The following CTSF variants were observed in gnomAD, a reference collection of about 807,000 sequenced individuals.
CTSF encodes cathepsin F.
CTSF carries 65 observed loss-of-function variants against 63.5 expected under a neutral mutation model. The ratio of observed to expected loss-of-function variants is 1.02; its 90% CI spans 0.84 to 1.26. The LOEUF (loss-of-function observed/expected upper bound fraction) is 1.26, where lower values mean the gene tolerates loss of function less well. Among genes scored for constraint, CTSF ranks in the 50% most tolerant of loss-of-function variants. The pLI, the probability that CTSF is intolerant of heterozygous loss-of-function variation, is 0.00. For synonymous variants in CTSF, 256 were observed against 258.1 expected (o/e 0.99, Z 0.08); for missense variants, 641 against 631.0 (o/e 1.02, Z -0.17).
In CTSF at chr11:66,565,023, G is replaced by T; in HGVS notation, c.1046-17C>A. The T allele has an allele frequency of 6.5e-7, 1 of 1,541,160 alleles. No homozygotes were observed. The highest frequency in any genetic ancestry group is 2.3e-5 in the East Asian group (1 of 44,126). The stretch of plus-strand genomic sequence containing the variant: ...CCAGCCCTCCTGGGGAACGGTGGGG[G>T]TGAGTAGAGAAGGGCAGGCTCCCAT... On this transcript the variant is annotated splice_polypyrimidine_tract_variant and intron_variant, in intron 8 of 12. Coordinates refer to ENST00000310325, the MANE Select transcript of CTSF (RefSeq NM_003793.4).
At chr11:66,564,191 C>T (rs1420693959) in intron 11 of CTSF, 45 bp from the exon 12 acceptor site, 1 of 1,580,296 alleles carries the variant, frequency 6.3e-7, no homozygotes. Flanking sequence ...CTTAATTCTC[C>T]AGGCAGAGCC....
At position 66,566,520 on chromosome 11, in the gene CTSF, A is replaced by G. The variant is rs77760653; in HGVS notation, c.608-116T>C. Reference sequence around the variant, plus strand: ...GAGCAGGTAGGGGTGGGGGCCAGACATGCAAGTGATGGAGTGGGAGGTCTG... The same window carrying G: ...GAGCAGGTAGGGGTGGGGGCCAGACGTGCAAGTGATGGAGTGGGAGGTCTG... On this transcript the variant is annotated intron_variant, in intron 4 of 12. Coordinates refer to ENST00000310325, the MANE Select transcript of CTSF (RefSeq NM_003793.4). 68,026 of 853,338 alleles carry G rather than the reference A, an allele frequency of 0.08. 3,591 individuals carry two copies. Among genetic ancestry groups the G allele is most frequent in the East Asian group, 0.11 (4,024 of 37,638 alleles). 52.9% of individuals were successfully genotyped at this position (853,338 alleles called of 1,614,324 possible).
chr11:66,564,716 C>T, intron 10 of CTSF, 26 bp downstream of exon 10: 1 of 1,613,540 alleles, frequency 6.2e-7, no homozygotes. Context: ...AGAGATGGGG[C>T]AGGGGCAGTG....
intron 4 of CTSF, 46 bp from the exon 5 acceptor site, chr11:66,566,450 TA>T: frequency 6.3e-7 from 1 of 1,583,212 alleles, no homozygotes. Context: ...CCCAGGCAGA[TA>T]AAAGGAAGGG....
At chr11:66,568,241 G>A in intron 1 of CTSF, 33 bp downstream of exon 1, 1 of 1,517,762 alleles carries the variant, frequency 6.6e-7, no homozygotes. Flanking sequence ...CTTGGACCCG[G>A]GCCTGGCGCC....
In CTSF at chr11:66,566,191, A is replaced by G. The variant is rs375983534; in HGVS notation, c.722-24T>C. 57 of 1,613,830 alleles carry G rather than the reference A, an allele frequency of 3.5e-5. 1 individual carries two copies. The African/African-American group carries it at 6.4e-4, about 18-fold the overall frequency. ...CTCTGCGGGCAAAGGTGGGCAGGGC[A>G]TGGGGAGGAAGAGTGTTCTAAGCCA... On this transcript the variant is annotated intron_variant, in intron 5 of 12. Coordinates refer to ENST00000310325, the MANE Select transcript of CTSF (RefSeq NM_003793.4).
chr11:66,565,141 T>A (rs1857900970), intron 8 of CTSF, 135 bp from the exon 9 acceptor site: 4 of 1,389,936 alleles, frequency 2.9e-6, no homozygotes, highest in Non-Finnish European at 3.8e-6. Flanking sequence ...CTCTGAAGAA[T>A]GTCTTCATTC....
At position 66,563,925 on chromosome 11, in the gene CTSF, G is replaced by GC; in HGVS notation, c.*7dup. 6.2e-7 allele frequency: 1 copy of GC among 1,611,968 alleles called. No individual in the cohort carries two copies. Among genetic ancestry groups the GC allele is most frequent in the Non-Finnish European group, 8.5e-7 (1 of 1,179,960 alleles). On this transcript the variant is annotated 3_prime_UTR_variant, in exon 13 of 13. Coordinates refer to ENST00000310325, the MANE Select transcript of CTSF (RefSeq NM_003793.4). The stretch of plus-strand genomic sequence containing the variant: ...ATCAGCACCAGGTCCCGAGCTGGGG[G>GC]CCCCTCTTCAGTCCACCACCGCCGA...
Position 66,568,025 on chromosome 11 carries a change from C to A in CTSF, c.271G>T (p.Asp91Tyr). The change falls in exon 2 of 13, where the codon GAC becomes TAC. Residue 91 changes from aspartate (D) to tyrosine (Y), a missense_variant. Asp to Tyr is a radical substitution (Grantham distance 160). Coordinates refer to ENST00000310325, the MANE Select transcript of CTSF (RefSeq NM_003793.4). ...EATLEEPPCN[D>Y]PMVCRLPVSK... ...ACGGGGAGCCGGCACACCATGGGGT[C>A]GTTGCAGGGTGGCTCCTCCAGGGTG... 1 of 1,602,066 alleles carries A rather than the reference C, an allele frequency of 6.2e-7. No individual in the cohort carries two copies. Among genetic ancestry groups the A allele is most frequent in the Non-Finnish European group, 8.5e-7 (1 of 1,175,382 alleles).
rs1265853849 is a variant in CTSF, at chr11:66,564,006, C to A, written c.1382G>T (p.Gly461Val). The A allele has an allele frequency of 6.2e-7, 1 of 1,613,772 alleles. No individual in the cohort carries two copies. Among genetic ancestry groups the A allele is most frequent in the Non-Finnish European group, 8.5e-7 (1 of 1,180,012 alleles). Residue 461 changes from glycine (G) to valine (V), a missense_variant and splice_region_variant, in exon 13 of 13, where the codon GGT becomes GTT. Coordinates refer to ENST00000310325, the MANE Select transcript of CTSF (RefSeq NM_003793.4). ...GGACCCACGATGCAAGTAGTAGTAA[C>A]CCTGGGGGAGAGGGGGAGCTGGTGA... ...NSWGTDWGEK[G>V]YYYLHRGSGA... is the part of the protein sequence containing the mutation.
chr11:66,564,706 A>C, intron 10 of CTSF, 36 bp downstream of exon 10: 1 of 1,613,248 alleles, frequency 6.2e-7, no homozygotes, highest in Non-Finnish European at 8.5e-7. Context: ...GAGGTCAACA[A>C]GAGATGGGGC....
Position 66,565,203 on chromosome 11 carries a change from C to T in CTSF, c.1046-197G>A, listed in dbSNP as rs541013730. Among the ~76,000 whole-genome samples, 30 of 152,290 alleles carry T rather than the reference C, an allele frequency of 2.0e-4. No homozygotes were observed. The East Asian group carries it at 5.8e-3, about 29-fold the overall frequency. ...GAGATGGGGAGGAGGGACCAGTAGC[C>T]AGCAAGAAAAGTGGCAGAGACAGAA... On this transcript the variant is annotated intron_variant, in intron 8 of 12. Transcript: ENST00000310325.
chr11:66,568,361 G>C lies in CTSF; in HGVS notation c.126C>G (p.Pro42=). 7.7e-7 allele frequency: 1 copy of C among 1,303,252 alleles called. No individual in the cohort carries two copies. The highest frequency in any genetic ancestry group is 9.7e-7 in the Non-Finnish European group (1 of 1,034,204). The allele number at this position is 1,303,252 out of a possible 1,614,324, so 80.7% of individuals were successfully genotyped here. Reference sequence around the variant, plus strand: ...TGAACATCTCCAGCGCGAAGCGGGTGGGCGCCAGCAGCTCCGGGGACGGCG... The same window carrying C: ...TGAACATCTCCAGCGCGAAGCGGGTCGGCGCCAGCAGCTCCGGGGACGGCG... ...WGPPSPELLA[P]TRFALEMFNR... is the part of the protein sequence containing the mutation. The change falls in exon 1 of 13, where the codon CCC becomes CCG. Residue 42 remains proline, a synonymous_variant. Transcript: ENST00000310325.
rs148611356 is a variant in CTSF, at chr11:66,566,329, G to C, written c.683C>G (p.Thr228Arg). The C allele has an allele frequency of 1.0e-3, 1,644 of 1,614,186 alleles. 6 individuals are homozygous for C. Among genetic ancestry groups the C allele is most frequent in the Middle Eastern group, 2.8e-3 (17 of 6,062 alleles). ...GAACTTGGTGACTCCATACTGAGCT[G>C]TGCCACGGTCCAGGGCCTGGATCTT... Reference protein sequence around the residue: ...AQKIQALDRGTAQYGVTKFSD... With the variant: ...AQKIQALDRGRAQYGVTKFSD... The change falls in exon 5 of 13, where the codon ACA (threonine) becomes AGA (arginine). Residue 228 changes from threonine (T) to arginine (R), a missense_variant. By Grantham distance (71) the Thr-to-Arg change is moderately conservative. Coordinates refer to ENST00000310325, the MANE Select transcript of CTSF (RefSeq NM_003793.4).
chr11:66,564,413 G>T, intron 11 of CTSF, 145 bp downstream of exon 11: 1 of 830,106 alleles, frequency 1.2e-6, no homozygotes, highest in Non-Finnish European at 1.8e-6. Context: ...GAGGACAGAT[G>T]ATGCCCAGCT....
At chr11:66,567,719 A>G in intron 2 of CTSF, 57 bp from the exon 3 acceptor site, 3 of 1,571,982 alleles carry the variant, frequency 1.9e-6, no homozygotes, top group South Asian at 2.4e-5. Context: ...GGGGAGCAAG[A>G]TCTGGCCAAG....
Position 66,568,393 on chromosome 11 carries a change from A to T in CTSF, c.94T>A (p.Trp32Arg), listed in dbSNP as rs894244680. ...AQPRAASFQAWGPPSPELLAP... is the reference protein window; with the variant it reads ...AQPRAASFQARGPPSPELLAP... The stretch of plus-strand genomic sequence containing the variant: ...AGCAGCTCCGGGGACGGCGGCCCCC[A>T]GGCCTGAAAGCTGGCGGCTCGGGGC... Residue 32 changes from tryptophan to arginine, a missense_variant, in exon 1 of 13, where the codon TGG (tryptophan) becomes AGG (arginine). By Grantham distance (101) the Trp-to-Arg change is moderately radical. Transcript: ENST00000310325. 7.6e-7 allele frequency: 1 copy of T among 1,317,976 alleles called. No homozygotes were observed. The highest frequency in any genetic ancestry group is 1.5e-5 in the African/African-American group (1 of 64,618). 81.6% of individuals were successfully genotyped at this position (1,317,976 alleles called of 1,614,324 possible).
chr11:66,564,150 G>A lies in CTSF; in HGVS notation c.1322-4C>T. The A allele has an allele frequency of 6.2e-7, 1 of 1,610,182 alleles. No individual in the cohort carries two copies. Among genetic ancestry groups the A allele is most frequent in the Non-Finnish European group, 8.5e-7 (1 of 1,178,342 alleles). The stretch of plus-strand genomic sequence containing the variant: ...GCCCAAAAGGGAACGTCAGAGCCTG[G>A]GGTGCAGTGCAGAGCGCAAGGATCA... On this transcript the variant is annotated splice_polypyrimidine_tract_variant and splice_region_variant and intron_variant, in intron 11 of 12. Coordinates refer to ENST00000310325, the MANE Select transcript of CTSF (RefSeq NM_003793.4).
Position 66,568,108 on chromosome 11 carries a change from G to C in CTSF, c.214-26C>G, listed in dbSNP as rs750301092. ...CTGGAGAGAGGAGTAGGTGAGGCGG[G>C]CACAGTCGGCCCTTGACGGCGCCCA... On this transcript the variant is annotated intron_variant, in intron 1 of 12. Coordinates refer to ENST00000310325, the MANE Select transcript of CTSF (RefSeq NM_003793.4). The C allele has an allele frequency of 1.1e-5, 18 of 1,600,350 alleles. No individual in the cohort carries two copies. In the Admixed American group the frequency reaches 3.2e-4, roughly 28 times the overall value.
Sources: allele counts gnomAD v4.1 joint callset (sites outside exome capture counted in the v4.1 genomes callset), GRCh38; gene constraint gnomAD v4.1.1; transcripts MANE v1.5; gene names NCBI Gene and HGNC (gene_info 2026-07-23, HGNC 2026-07-21).